The following IER2 variants were observed in gnomAD, a reference collection of about 807,000 sequenced individuals.
IER2 encodes the protein immediate early response gene 2 protein.
For missense variants in IER2, 372 were observed against 325.4 expected, an observed-to-expected ratio of 1.14 and a Z score of -1.10; for synonymous variants, 198 against 149.6, an observed-to-expected ratio of 1.32 and a Z score of -2.36.
At position 13,154,031 on chromosome 19, in the gene IER2, G is replaced by T; in HGVS notation, c.*173G>T. On this transcript the variant is annotated 3_prime_UTR_variant, in exon 2 of 2. Coordinates refer to ENST00000292433, the MANE Select transcript of IER2 (RefSeq NM_004907.3). The stretch of plus-strand genomic sequence containing the variant: ...GCCCGGAGAGGGACTCTGTCCCCGG[G>T]GAGCCATCGCCTTCAGTGTGCAGGG... 1.7e-6 allele frequency: 1 copy of T among 592,728 alleles called. No homozygotes were observed. The highest frequency in any genetic ancestry group is 2.8e-5 in the South Asian group (1 of 36,160). The allele number at this position is 592,728 out of a possible 1,614,324, so 36.7% of individuals were successfully genotyped here.
At position 13,154,076 on chromosome 19, in the gene IER2, G is replaced by T; in HGVS notation, c.*218G>T. 1 of 498,780 alleles carries T rather than the reference G, an allele frequency of 2.0e-6. No homozygotes were observed. The highest frequency in any genetic ancestry group is 3.6e-6 in the Non-Finnish European group (1 of 281,040). The allele number at this position is 498,780 out of a possible 1,614,324, so 30.9% of individuals were successfully genotyped here. A position where few individuals can be genotyped will look rare whatever the true frequency, so the allele number is the denominator to read the frequency against. Reference sequence around the variant, plus strand: ...GCAGGGACGGCACCGAGGAGTCTGAGCCGGGGGCGCGGGCGCCTTCCGCAG... The same window carrying T: ...GCAGGGACGGCACCGAGGAGTCTGATCCGGGGGCGCGGGCGCCTTCCGCAG... On this transcript the variant is annotated 3_prime_UTR_variant, in exon 2 of 2. Coordinates refer to ENST00000292433, the MANE Select transcript of IER2 (RefSeq NM_004907.3).
Position 13,153,879 on chromosome 19 carries a change from G to A in IER2, c.*21G>A. 1 of 1,404,390 alleles carries A rather than the reference G, an allele frequency of 7.1e-7. No individual in the cohort carries two copies. The allele number at this position is 1,404,390 out of a possible 1,614,324, so 87.0% of individuals were successfully genotyped here. A position where few individuals can be genotyped will look rare whatever the true frequency, so the allele number is the denominator to read the frequency against. On this transcript the variant is annotated 3_prime_UTR_variant, in exon 2 of 2. Transcript: ENST00000292433. The stretch of plus-strand genomic sequence containing the variant: ...TCTGAGGACCCCGAGCGGCGCTGCC[G>A]GAGCCCAGAGCGCGCGTCGAACCGT...
In IER2 at chr19:13,154,020, T is replaced by C. The variant is rs2020100080; in HGVS notation, c.*162T>C. On this transcript the variant is annotated 3_prime_UTR_variant, in exon 2 of 2. Transcript: ENST00000292433. ...GCTGCTGAGAGGCCCGGAGAGGGAC[T>C]CTGTCCCCGGGGAGCCATCGCCTTC... 1.6e-6 allele frequency: 1 copy of C among 612,662 alleles called. No homozygotes were observed. The highest frequency in any genetic ancestry group is 2.0e-5 in the African/African-American group (1 of 50,596). 38.0% of individuals were successfully genotyped at this position (612,662 alleles called of 1,614,324 possible). A position where few individuals can be genotyped will look rare whatever the true frequency, so the allele number is the denominator to read the frequency against.
rs768834640 is a variant in IER2 at position 13,153,491 on chromosome 19, C to T, written c.305C>T (p.Pro102Leu). 1.9e-6 allele frequency: 3 copies of T among 1,586,674 alleles called. No individual in the cohort carries two copies. Among genetic ancestry groups the T allele is most frequent in the South Asian group, 1.1e-5 (1 of 88,240 alleles). The change falls in exon 2 of 2, where the codon CCG (proline) becomes CTG (leucine). Residue 102 changes from proline to leucine, a missense_variant. Pro to Leu is a moderately conservative substitution (Grantham distance 98). Transcript: ENST00000292433. ...GAGCCAATGGACACGCAGGAGGCGC[C>T]GACAGCCGAGGAGACCTCCGCCTGC... The part of the protein sequence containing the change: ...FPEPMDTQEA[P>L]TAEETSACCA...
chr19:13,153,572 A>G lies in IER2; in HGVS notation c.386A>G (p.Asp129Gly), dbSNP rs1208301582. The G allele has an allele frequency of 2.5e-6, 4 of 1,599,558 alleles. No homozygotes were observed. Among genetic ancestry groups the G allele is most frequent in the Non-Finnish European group, 2.6e-6 (3 of 1,173,550 alleles). Residue 129 changes from aspartate (D) to glycine (G), a missense_variant, in exon 2 of 2, where the codon GAC becomes GGC. Physicochemically the swap from Asp to Gly is moderately conservative, Grantham distance 94 (BLOSUM62 -1). Coordinates refer to ENST00000292433, the MANE Select transcript of IER2 (RefSeq NM_004907.3). ...AAACGACGCAGCAGCAGCCTGAGCG[A>G]CGGCGGGGACGCTGGACTGGTCCCG... ...SRKRRSSSLS[D>G]GGDAGLVPSK...
rs963500477 is a variant in IER2 at position 13,153,940 on chromosome 19, C to T, written c.*82C>T. On this transcript the variant is annotated 3_prime_UTR_variant, in exon 2 of 2. Transcript: ENST00000292433. The stretch of plus-strand genomic sequence containing the variant: ...GCGCAGACCTGAGGCGAGGCCACCC[C>T]CCTCCATCCTGGGGGAAGCGCCCGC... 2.4e-6 allele frequency: 3 copies of T among 1,239,884 alleles called. No homozygotes were observed. Among genetic ancestry groups the T allele is most frequent in the African/African-American group, 1.6e-5 (1 of 62,088 alleles). The allele number at this position is 1,239,884 out of a possible 1,614,324, so 76.8% of individuals were successfully genotyped here.
At chr19:13,152,132 G>T (rs1290499832) in intron 1 of IER2, 1 of 152,192 alleles carries the variant, frequency 6.6e-6, no homozygotes, top group African/African-American at 2.4e-5. Flanking sequence ...TATCTGCTCT[G>T]TCTCTGCATT....
chr19:13,153,021 G>C lies in IER2; in HGVS notation c.-166G>C, dbSNP rs1245339618. The stretch of plus-strand genomic sequence containing the variant: ...GGGGTGTCTCAGTGACGTCACTGGG[G>C]GTATAAAAGGGCCTGGGTGGCGGGC... On this transcript the variant is annotated 5_prime_UTR_variant, in exon 2 of 2. Coordinates refer to ENST00000292433, the MANE Select transcript of IER2 (RefSeq NM_004907.3). 2.1e-6 allele frequency: 1 copy of C among 468,424 alleles called. No individual in the cohort carries two copies. 29.0% of individuals were successfully genotyped at this position (468,424 alleles called of 1,614,324 possible).
In IER2 at chr19:13,153,254, T is replaced by C. The variant is rs759756072; in HGVS notation, c.68T>C (p.Met23Thr). 1.3e-6 allele frequency: 2 copies of C among 1,585,670 alleles called. No individual in the cohort carries two copies. The highest frequency in any genetic ancestry group is 8.6e-7 in the Non-Finnish European group (1 of 1,166,088). ...GTGTGGAAGATGTATCACTCCCGCATGCAGCGCGGTGGCCTGCGGCTGCAC... is the reference window on the plus strand; with the variant it reads ...GTGTGGAAGATGTATCACTCCCGCACGCAGCGCGGTGGCCTGCGGCTGCAC... ...LSVWKMYHSR[M>T]QRGGLRLHRS... is the part of the protein sequence containing the mutation. Residue 23 changes from methionine (M) to threonine (T), a missense_variant, in exon 2 of 2, where the codon ATG becomes ACG. Met to Thr is a moderately conservative substitution (Grantham distance 81, BLOSUM62 -1). Coordinates refer to ENST00000292433, the MANE Select transcript of IER2 (RefSeq NM_004907.3).
intron 1 of IER2, 105 bp from the exon 2 acceptor site, chr19:13,152,839 A>C (rs2020081078): frequency 5.9e-6 from 1 of 169,806 alleles, no homozygotes; most frequent in East Asian, 1.5e-4. Context: ...GGCTCAGAGA[A>C]AGGAGCCCAC....
Position 13,150,467 on chromosome 19 carries a change from G to T in IER2, c.-329G>T. On this transcript the variant is annotated 5_prime_UTR_variant, in exon 1 of 2. Transcript: ENST00000292433. This position sits in a 1 kb window ranked among gnomAD's most constrained non-coding sequence, Gnocchi z 4.0. ...GTCGGAGTTCTGTCTGGGCCTATTC[G>T]GGTCCGAGTTCGGAATTTCGGTTCA... The T allele has an allele frequency of 2.8e-6, 1 of 362,796 alleles. No homozygotes were observed. The highest frequency in any genetic ancestry group is 5.8e-5 in the East Asian group (1 of 17,244). The allele number at this position is 362,796 out of a possible 1,614,324, so 22.5% of individuals were successfully genotyped here.
rs748546149 is a variant in IER2, at chr19:13,153,209, A to G, written c.23A>G (p.Gln8Arg). The change falls in exon 2 of 2, where the codon CAG becomes CGG. Residue 8 changes from glutamine (Q) to arginine (R), a missense_variant. Coordinates refer to ENST00000292433, the MANE Select transcript of IER2 (RefSeq NM_004907.3). ...GCCATGGAAGTGCAGAAAGAGGCAC[A>G]GCGCATCATGACCCTGTCGGTGTGG... MEVQKEA[Q>R]RIMTLSVWKM... 5 of 1,518,920 alleles carry G rather than the reference A, an allele frequency of 3.3e-6. No individual in the cohort carries two copies. Among genetic ancestry groups the G allele is most frequent in the Non-Finnish European group, 4.4e-6 (5 of 1,133,218 alleles). 94.1% of individuals were successfully genotyped at this position (1,518,920 alleles called of 1,614,324 possible).
chr19:13,153,797 C>T lies in IER2; in HGVS notation c.611C>T (p.Pro204Leu). ...PTAPPACEAKPACRPADSMLN... is the reference protein window; with the variant it reads ...PTAPPACEAKLACRPADSMLN... ...GCGCCGCCCGCGTGCGAGGCAAAGC[C>T]CGCTTGCCGCCCGGCGGACAGCATG... is the stretch of plus-strand genomic sequence containing the variant. Residue 204 changes from proline to leucine, a missense_variant, in exon 2 of 2, where the codon CCC (proline) becomes CTC (leucine). By Grantham distance (98) the Pro-to-Leu change is moderately conservative (BLOSUM62 -3). Transcript: ENST00000292433. 2 of 1,516,970 alleles carry T rather than the reference C, an allele frequency of 1.3e-6. No individual in the cohort carries two copies. Among genetic ancestry groups the T allele is most frequent in the Non-Finnish European group, 8.8e-7 (1 of 1,139,558 alleles). 94.0% of individuals were successfully genotyped at this position (1,516,970 alleles called of 1,614,324 possible).
chr19:13,154,125 C>T lies in IER2; in HGVS notation c.*267C>T. The T allele has an allele frequency of 2.1e-6, 1 of 465,318 alleles. No homozygotes were observed. The highest frequency in any genetic ancestry group is 3.9e-6 in the Non-Finnish European group (1 of 257,036). 28.8% of individuals were successfully genotyped at this position (465,318 alleles called of 1,614,324 possible). On this transcript the variant is annotated 3_prime_UTR_variant, in exon 2 of 2. Transcript: ENST00000292433. The stretch of plus-strand genomic sequence containing the variant: ...AGAGACCTGCGCCCACAGGTGCTGT[C>T]TTAGTGGACTGGGACGTGAACCTTT...
rs921715513 is a variant in IER2 at position 13,150,793 on chromosome 19, C to G, written c.-244+241C>G. On this transcript the variant is annotated intron_variant, in intron 1 of 1. Transcript: ENST00000292433. The surrounding 1 kb of genome is among the most constrained non-coding windows in gnomAD (Gnocchi z 4.0). Reference sequence around the variant, plus strand: ...TCCGGGGAGTTCTGCCGCATTCTCCCAATCTCTTTCCTGAGAAGTGGCGGA... The same window carrying G: ...TCCGGGGAGTTCTGCCGCATTCTCCGAATCTCTTTCCTGAGAAGTGGCGGA... 6.6e-6 allele frequency among the ~76,000 whole-genome samples: 1 copy of G among 152,200 alleles called. No homozygotes were observed. The highest frequency in any genetic ancestry group is 2.4e-5 in the African/African-American group (1 of 41,444).
Position 13,153,378 on chromosome 19 carries a change from C to T in IER2, c.192C>T (p.Ala64=). The T allele has an allele frequency of 1.9e-6, 3 of 1,590,444 alleles. No homozygotes were observed. Among genetic ancestry groups the T allele is most frequent in the Non-Finnish European group, 2.6e-6 (3 of 1,170,386 alleles). Residue 64 remains alanine, a synonymous_variant, in exon 2 of 2, where the codon GCC becomes GCT. Transcript: ENST00000292433. Reference sequence around the variant, plus strand: ...AGCCCGAGGTGTCGTTGCCGGCCGCCCTCCCCTCTGACCCTCGCCTGCACC... The same window carrying T: ...AGCCCGAGGTGTCGTTGCCGGCCGCTCTCCCCTCTGACCCTCGCCTGCACC... ...ALEPEVSLPA[A]LPSDPRLHPP... is the part of the protein sequence containing the mutation.
chr19:13,153,687 G>A lies in IER2; in HGVS notation c.501G>A (p.Ala167=). 5 of 1,612,020 alleles carry A rather than the reference G, an allele frequency of 3.1e-6. No homozygotes were observed. The highest frequency in any genetic ancestry group is 4.2e-6 in the Non-Finnish European group (5 of 1,179,746). Residue 167 remains alanine (A), a synonymous_variant, in exon 2 of 2, where the codon GCG becomes GCA. Coordinates refer to ENST00000292433, the MANE Select transcript of IER2 (RefSeq NM_004907.3). The stretch of plus-strand genomic sequence containing the variant: ...GCCTGCAGCCCCCTCCGGCGCAAGC[G>A]GAGGGCGCCTTTCCCAACCTGGCCC... ...ADRLQPPPAQ[A]EGAFPNLARV...
intron 1 of IER2, chr19:13,151,979 G>A (rs1378079329): frequency 1.3e-5 from 2 of 152,366 alleles, no homozygotes; most frequent in Non-Finnish European, 2.9e-5. Flanking sequence ...CGGAAAGGGG[G>A]CGGGGGGCGC....
Position 13,153,583 on chromosome 19 carries a change from G to C in IER2, c.397G>C (p.Ala133Pro). 6.2e-7 allele frequency: 1 copy of C among 1,603,774 alleles called. No homozygotes were observed. The highest frequency in any genetic ancestry group is 8.5e-7 in the Non-Finnish European group (1 of 1,175,594). The change falls in exon 2 of 2, where the codon GCT (alanine) becomes CCT (proline). Residue 133 changes from alanine (A) to proline (P), a missense_variant. Ala to Pro is a conservative substitution (Grantham distance 27, BLOSUM62 -1). Transcript: ENST00000292433. ...CAGCAGCCTGAGCGACGGCGGGGAC[G>C]CTGGACTGGTCCCGAGCAAGAAAGC... The part of the protein sequence containing the change: ...RSSSLSDGGD[A>P]GLVPSKKARL...
Sources: gnomAD v4.1 joint callset for allele counts (sites outside exome capture counted in the v4.1 genomes callset) on GRCh38, gnomAD v4.1.1 for gene constraint, Gnocchi (gnomAD v3.1) non-coding constraint, MANE v1.5 for transcripts, NCBI Gene and HGNC (gene_info 2026-07-23, HGNC 2026-07-21) for gene names.